VAV3: variants seen among roughly 807,000 people sequenced by gnomAD.
The protein encoded by VAV3 is vav guanine nucleotide exchange factor 3, also known as guanine nucleotide exchange factor VAV3.
Under a neutral mutation model 131.2 loss-of-function variants are expected in VAV3, and 94 were observed. The ratio of observed to expected loss-of-function variants is 0.72; its 90% CI spans 0.61 to 0.85. VAV3 has a LOEUF of 0.85. VAV3 is among the 40% of genes least tolerant of loss of function. VAV3 has a pLI of 0.00. For synonymous variants in VAV3, 349 were observed against 342.0 expected (o/e 1.02, Z -0.22); for missense variants, 939 against 1,002.7 (o/e 0.94, Z 0.86).
At chr1:107,780,419 T>G (rs1343619083) in intron 2 of VAV3, among the ~76,000 whole-genome samples, 1 of 152,204 alleles carries the variant, frequency 6.6e-6, no homozygotes, top group Non-Finnish European at 1.5e-5. Flanking sequence ...GCTAGCAACT[T>G]TACCCTTCCT....
intron 24 of VAV3, among the ~76,000 whole-genome samples, chr1:107,599,185 T>G (rs1217341941): frequency 6.6e-6 from 1 of 152,228 alleles, no homozygotes; most frequent in Non-Finnish European, 1.5e-5. Context: ...ATCACTTCAC[T>G]AAGCATGGAA....
At chr1:107,689,094 T>C (rs1033460377) in intron 17 of VAV3, among the ~76,000 whole-genome samples, 5 of 152,162 alleles carry the variant, frequency 3.3e-5, no homozygotes, top group African/African-American at 1.2e-4. Flanking sequence ...CGTACTATAG[T>C]AGAAGAGCAA....
At chr1:107,888,065 C>T (rs554818289) in intron 1 of VAV3, among the ~76,000 whole-genome samples, 1 of 151,054 alleles carries the variant, frequency 6.6e-6, no homozygotes, top group African/African-American at 2.4e-5. Flanking sequence ...TGTGTTAATT[C>T]TTCTACATAA....
intron 22 of VAV3, among the ~76,000 whole-genome samples, chr1:107,606,873 G>A (rs1332695502): frequency 1.4e-5 from 1 of 73,584 alleles, no homozygotes; most frequent in Non-Finnish European, 2.5e-5. Flanking sequence ...TTTGTTGTTT[G>A]TTACTTAAGA....
At chr1:107,670,800 G>A (rs933669968) in intron 19 of VAV3, among the ~76,000 whole-genome samples, 1 of 151,924 alleles carries the variant, frequency 6.6e-6, no homozygotes, top group Non-Finnish European at 1.5e-5. Context: ...GTGCCGACTC[G>A]AGTTGAAAAT....
chr1:107,794,255 A>C (rs1345254666), intron 2 of VAV3, among the ~76,000 whole-genome samples: 1 of 152,212 alleles, frequency 6.6e-6, no homozygotes, highest in East Asian at 1.9e-4. Flanking sequence ...GTTTCCACTG[A>C]GGAATTTGAC....
chr1:107,800,516 T>G (rs1436017808), intron 2 of VAV3, among the ~76,000 whole-genome samples: 2 of 152,186 alleles, frequency 1.3e-5, no homozygotes, highest in African/African-American at 4.8e-5. Context: ...ACTCAGATAT[T>G]CTACCTATTT....
chr1:107,897,610 G>T (rs186094550), intron 1 of VAV3, among the ~76,000 whole-genome samples: 2 of 152,032 alleles, frequency 1.3e-5, no homozygotes, highest in Non-Finnish European at 2.9e-5. Flanking sequence ...ACTATTTGGC[G>T]TCCTGCACCA....
chr1:107,707,465 TTCAA>T (rs1228612693), intron 15 of VAV3, among the ~76,000 whole-genome samples: 11 of 152,180 alleles, frequency 7.2e-5, no homozygotes, highest in African/African-American at 2.7e-4. Flanking sequence ...ATATTTGGTG[TTCAA>T]TCAATGTTGG....
intron 1 of VAV3, among the ~76,000 whole-genome samples, chr1:107,952,468 T>TTTATATATATATATACATA (rs1553235441): frequency 7.6e-5 from 9 of 118,998 alleles, no homozygotes; most frequent in African/African-American, 3.2e-4. Context: ...TAACAAAACT[T>TTTATATATATATATACATA]TATATATATA....
chr1:107,841,989 A>G (rs527586551), intron 2 of VAV3, among the ~76,000 whole-genome samples: 3 of 152,310 alleles, frequency 2.0e-5, no homozygotes, highest in South Asian at 2.1e-4. Flanking sequence ...TATGGCTCTC[A>G]TATTTCTATT....
intron 18 of VAV3, among the ~76,000 whole-genome samples, chr1:107,688,127 C>T (rs185342795): frequency 1.2e-3 from 185 of 152,312 alleles, no homozygotes; most frequent in African/African-American, 3.4e-3. Context: ...TACTTACAGT[C>T]CCATTTCATA....
Position 107,847,450 on chromosome 1 carries a change from C to CA in VAV3, c.321+27450dup, listed in dbSNP as rs199812666. 7.5e-3 allele frequency among the ~76,000 whole-genome samples: 1,140 copies of CA among 151,872 alleles called. 14 individuals carry two copies. Among genetic ancestry groups the CA allele is most frequent in the African/African-American group, 0.017 (691 of 41,416 alleles). ...AGCAGAAATGAAGGAGATAGAGATACAAAAAACCCTTCAAAAAAATCAGTG... is the reference window on the plus strand; with the variant it reads ...AGCAGAAATGAAGGAGATAGAGATACAAAAAAACCCTTCAAAAAAATCAGTG... On this transcript the variant is annotated intron_variant, in intron 2 of 26. Coordinates refer to ENST00000370056, the MANE Select transcript of VAV3 (RefSeq NM_006113.5).
At chr1:107,958,802 G>A (rs895138564) in intron 1 of VAV3, among the ~76,000 whole-genome samples, 14 of 151,858 alleles carry the variant, frequency 9.2e-5, no homozygotes, top group African/African-American at 1.9e-4. Context: ...GACAGGCCCC[G>A]GTGTGTGATG....
Position 107,749,669 on chromosome 1 carries a change from C to A in VAV3, c.1260-75G>T, listed in dbSNP as rs1663585626. 14 of 1,515,182 alleles carry A rather than the reference C, an allele frequency of 9.2e-6. 1 individual carries two copies. The highest frequency in any genetic ancestry group is 1.8e-4 in the Middle Eastern group (1 of 5,666). 93.9% of individuals were successfully genotyped at this position (1,515,182 alleles called of 1,614,324 possible). On this transcript the variant is annotated intron_variant, in intron 13 of 26. Transcript: ENST00000370056. ...GTTATTAATTTTTTTGGGTATAAAG[C>A]AACCAAATGTTTTTTTCTTTGCATT... is the stretch of plus-strand genomic sequence containing the variant.
chr1:107,626,129 A>G (rs897920424), intron 20 of VAV3, among the ~76,000 whole-genome samples: 1 of 152,194 alleles, frequency 6.6e-6, no homozygotes, highest in Non-Finnish European at 1.5e-5. Flanking sequence ...GGAAAAATAC[A>G]AGAATTGTTA....
At position 107,778,372 on chromosome 1, in the gene VAV3, GAATC is replaced by G. The variant is rs141512038; in HGVS notation, c.380+1058_380+1061del. On this transcript the variant is annotated intron_variant, in intron 3 of 26. Coordinates refer to ENST00000370056, the MANE Select transcript of VAV3 (RefSeq NM_006113.5). ...AAAAATTTTGACTTACGTTTTTTCA[GAATC>G]AATACATAAAAATTTGATCATGCTT... 7.8e-3 allele frequency among the ~76,000 whole-genome samples: 1,186 copies of G among 151,310 alleles called. 10 individuals are homozygous for G. The highest frequency in any genetic ancestry group is 0.017 in the East Asian group (85 of 5,142).
chr1:107,756,343 A>ACAACTTTTTCTAAATGGAAGTTT (rs1461455657), intron 11 of VAV3, among the ~76,000 whole-genome samples: 9 of 152,174 alleles, frequency 5.9e-5, no homozygotes, highest in Non-Finnish European at 1.3e-4. Context: ...TGCAAAAAGC[A>ACAACTTTTTCTAAATGGAAGTTT]GTTCCTAACT....
In VAV3 at chr1:107,573,949, T is replaced by C. The variant is rs562068175; in HGVS notation, c.2502+98A>G. 178 of 1,496,366 alleles carry C rather than the reference T, an allele frequency of 1.2e-4. No individual in the cohort carries two copies. In the African/African-American group the frequency reaches 2.3e-3, roughly 20 times the overall value. The allele number at this position is 1,496,366 out of a possible 1,614,324, so 92.7% of individuals were successfully genotyped here. On this transcript the variant is annotated intron_variant, in intron 26 of 26. Coordinates refer to ENST00000370056, the MANE Select transcript of VAV3 (RefSeq NM_006113.5). ...GAGGCCTGTGGGCTGAAAGCTGTAA[T>C]ACAGTATAGAGGCTTCTCCCTGGTG...
Sources: gnomAD v4.1 joint callset for allele counts (sites outside exome capture counted in the v4.1 genomes callset) on GRCh38, gnomAD v4.1.1 for gene constraint, MANE v1.5 for transcripts, NCBI Gene and HGNC (gene_info 2026-07-23, HGNC 2026-07-21) for gene names.